Variants in SLC22A24 observed in about 807,000 individuals in gnomAD.
The protein encoded by SLC22A24 is solute carrier family 22 member 24.
SLC22A24 carries 53 observed loss-of-function variants against 49.8 expected under a neutral mutation model. That is an observed-to-expected ratio of 1.06 (90% CI 0.85 to 1.34). The LOEUF (loss-of-function observed/expected upper bound fraction) is 1.34. Ranked by LOEUF, SLC22A24 falls within the 40% of genes most tolerant of loss-of-function variation. SLC22A24 has a pLI of 0.00. For missense variants in SLC22A24, 786 were observed against 675.9 expected, an observed-to-expected ratio of 1.16 and a Z score of -1.81; for synonymous variants, 302 against 256.4, an observed-to-expected ratio of 1.18 and a Z score of -1.70.
chr11:63,136,270 T>G (rs1365138819), intron 1 of SLC22A24, among the ~76,000 whole-genome samples: 1 of 152,206 alleles, frequency 6.6e-6, no homozygotes, highest in African/African-American at 2.4e-5. Context: ...GGTCACTGTT[T>G]GGTTGTCTGT....
intron 2 of SLC22A24, among the ~76,000 whole-genome samples, chr11:63,127,360 T>G (rs891550794): frequency 5.9e-5 from 9 of 152,236 alleles, no homozygotes; most frequent in African/African-American, 2.2e-4. Flanking sequence ...TGCCACATTT[T>G]CTTAATCCAA....
intron 6 of SLC22A24, among the ~76,000 whole-genome samples, chr11:63,093,325 AG>A (rs1416874502): frequency 6.6e-6 from 1 of 152,200 alleles, no homozygotes; most frequent in Non-Finnish European, 1.5e-5. Flanking sequence ...TATTTGACCC[AG>A]CAATCCCATT....
chr11:63,080,229 G>T (rs2135188685), intron 9 of SLC22A24, among the ~76,000 whole-genome samples: 1 of 152,190 alleles, frequency 6.6e-6, no homozygotes, highest in African/African-American at 2.4e-5. Flanking sequence ...TTGTCTCTTT[G>T]GATCTCAGAC....
At chr11:63,129,337 A>G (rs902754672) in intron 2 of SLC22A24, among the ~76,000 whole-genome samples, 2 of 151,998 alleles carry the variant, frequency 1.3e-5, no homozygotes, top group African/African-American at 4.8e-5. Context: ...CGGTCTATAT[A>G]TCTGTTTTGG....
chr11:63,109,007 C>G (rs1356005515), intron 4 of SLC22A24, among the ~76,000 whole-genome samples: 1 of 123,586 alleles, frequency 8.1e-6, no homozygotes, highest in Non-Finnish European at 1.7e-5. Flanking sequence ...TCCCCCCACC[C>G]CACAACAGTC....
chr11:63,101,286 G>T (rs933876445), intron 5 of SLC22A24, among the ~76,000 whole-genome samples: 3 of 151,882 alleles, frequency 2.0e-5, no homozygotes, highest in South Asian at 4.1e-4. Flanking sequence ...ACTACCATAT[G>T]ATCCAGCAAT....
rs4963245 is a variant in SLC22A24 at position 63,119,328 on chromosome 11, G to A, written c.514C>T (p.Arg172Trp). 56 of 1,535,842 alleles carry A rather than the reference G, an allele frequency of 3.6e-5. No individual in the cohort carries two copies. The highest frequency in any genetic ancestry group is 3.1e-4 in the South Asian group (25 of 80,568). ...IYGHLSDRVG[R>W]KIICKLCFLQ... ...AAACACAATTTGCATATGATCTTCC[G>A]TCCAACCCTAAGAAATATTAAACCA... is the stretch of plus-strand genomic sequence containing the variant. Residue 172 changes from arginine (R) to tryptophan (W), a missense_variant, in exon 3 of 10, where the codon CGG becomes TGG. Arg to Trp is a moderately radical substitution (Grantham distance 101). Transcript: ENST00000612278.
At chr11:63,122,025 G>T (rs898450841) in intron 2 of SLC22A24, among the ~76,000 whole-genome samples, 1 of 152,176 alleles carries the variant, frequency 6.6e-6, no homozygotes, top group Non-Finnish European at 1.5e-5. Context: ...AAGAGGCCTT[G>T]CCCAAATTAA....
At chr11:63,101,370 A>G (rs1223787200) in intron 5 of SLC22A24, among the ~76,000 whole-genome samples, 2 of 152,084 alleles carry the variant, frequency 1.3e-5, no homozygotes, top group Non-Finnish European at 2.9e-5. Flanking sequence ...CAAAAGTTGC[A>G]TATAATATTA....
chr11:63,138,641 CAAAAAAAAAA>C (rs59726580), intron 1 of SLC22A24, among the ~76,000 whole-genome samples: 1 of 60,764 alleles, frequency 1.6e-5, no homozygotes, highest in Non-Finnish European at 3.0e-5. Context: ...GACTCTGTCT[CAAAAAAAAAA>C]AAAAAAAAAA....
At chr11:63,086,200 G>A (rs1231458780) in intron 6 of SLC22A24, among the ~76,000 whole-genome samples, 1 of 152,084 alleles carries the variant, frequency 6.6e-6, no homozygotes, top group Admixed American at 6.5e-5. Context: ...ACACCCAAAG[G>A]AATATAAATC....
chr11:63,081,389 C>G (rs192554034), intron 8 of SLC22A24, among the ~76,000 whole-genome samples, 169 bp downstream of exon 8: 274 of 152,284 alleles, frequency 1.8e-3, no homozygotes, highest in African/African-American at 6.4e-3. Context: ...TAACCCGCAG[C>G]TTTGATAATT....
chr11:63,112,976 C>G lies in SLC22A24; in HGVS notation c.830+5936G>C, dbSNP rs1271494835. On this transcript the variant is annotated intron_variant, in intron 4 of 9. Transcript: ENST00000612278. ...CTTGTAGTGAGCCAAGTTTGTGCCA[C>G]TGGACTCCAGCCTGTGTGACAGCAG... 3.0e-5 allele frequency among the ~76,000 whole-genome samples: 4 copies of G among 133,078 alleles called. 1 individual carries two copies. Among genetic ancestry groups the G allele is most frequent in the Non-Finnish European group, 4.6e-5 (3 of 65,134 alleles). The allele number at this position is 133,078 out of a possible 152,430, so 87.3% of individuals were successfully genotyped here. A position where few individuals can be genotyped will look rare whatever the true frequency, so the allele number is the denominator to read the frequency against.
intron 6 of SLC22A24, among the ~76,000 whole-genome samples, chr11:63,091,378 A>G (rs909945525): frequency 1.3e-5 from 2 of 152,224 alleles, no homozygotes; most frequent in East Asian, 3.8e-4. Flanking sequence ...CAATAGAGGA[A>G]GAGGGACTTC....
chr11:63,123,828 C>T (rs2087269360), intron 2 of SLC22A24, among the ~76,000 whole-genome samples: 3 of 152,154 alleles, frequency 2.0e-5, no homozygotes. Flanking sequence ...CCTTGATATC[C>T]CTTTAATTTA....
intron 6 of SLC22A24, among the ~76,000 whole-genome samples, chr11:63,091,512 A>C (rs1055617487): frequency 6.6e-6 from 1 of 152,186 alleles, no homozygotes; most frequent in African/African-American, 2.4e-5. Flanking sequence ...TCCTCAATAA[A>C]ATACTGTCAA....
chr11:63,112,070 A>C lies in SLC22A24; in HGVS notation c.830+6842T>G, dbSNP rs2087169628. 2.6e-5 allele frequency among the ~76,000 whole-genome samples: 4 copies of C among 152,022 alleles called. No homozygotes were observed. In the South Asian group the frequency reaches 8.3e-4, roughly 32 times the overall value. On this transcript the variant is annotated intron_variant, in intron 4 of 9. Transcript: ENST00000612278. ...TTGTGTCTTTGGTCTCGTTGGTTTC[A>C]AAGAACATCTTTATTTCTGCCTTCA...
rs149833870 is a variant in SLC22A24 at position 63,080,017 on chromosome 11, C to T, written c.1599-17G>A. 7.1e-4 allele frequency: 1,036 copies of T among 1,461,134 alleles called. 2 individuals carry two copies. The highest frequency in any genetic ancestry group is 1.0e-3 in the East Asian group (42 of 40,366). 90.5% of individuals were successfully genotyped at this position (1,461,134 alleles called of 1,614,324 possible). On this transcript the variant is annotated splice_polypyrimidine_tract_variant and intron_variant, in intron 9 of 9. Coordinates refer to ENST00000612278, the MANE Select transcript of SLC22A24 (RefSeq NM_001136506.2). ...TCTTTTCTGCTGAGAAATAGAAATG[C>T]AAACAAAAACAAGATTAAGAAACAA...
At chr11:63,133,278 C>T (rs956571187) in intron 2 of SLC22A24, among the ~76,000 whole-genome samples, 14 of 152,182 alleles carry the variant, frequency 9.2e-5, no homozygotes, top group Admixed American at 3.9e-4. Flanking sequence ...CTGGGTGAGG[C>T]GGCACCCCAC....
Sources: gnomAD v4.1 joint callset for allele counts (sites outside exome capture counted in the v4.1 genomes callset) on GRCh38, gnomAD v4.1.1 for gene constraint, MANE v1.5 for transcripts, NCBI Gene and HGNC (gene_info 2026-07-23, HGNC 2026-07-21) for gene names.